The following TRPS1 variants were observed in gnomAD, a reference collection of about 807,000 sequenced individuals.
The protein encoded by TRPS1 is zinc finger transcription factor Trps1.
A neutral mutation model predicts 101.2 loss-of-function variants in TRPS1; 6 were observed. The ratio of observed to expected loss-of-function variants is 0.06; its 90% CI spans 0.03 to 0.12. The LOEUF is 0.12. Ranked by LOEUF, TRPS1 falls within the 10% of genes least tolerant of loss-of-function variation. TRPS1 has a pLI of 1.00. For synonymous variants in TRPS1, 578 were observed against 589.8 expected, an observed-to-expected ratio of 0.98 and a Z score of 0.29; for missense variants, 1,363 against 1,567.0, an observed-to-expected ratio of 0.87 and a Z score of 2.20.
At position 115,425,271 on chromosome 8, in the gene TRPS1, C is replaced by A. The variant is rs188106996; in HGVS notation, c.2701-6819G>T. Among the ~76,000 whole-genome samples the A allele has an allele frequency of 5.3e-5, 8 of 152,278 alleles. No individual in the cohort carries two copies. In the East Asian group the frequency reaches 1.5e-3, roughly 29 times the overall value. On this transcript the variant is annotated intron_variant, in intron 5 of 6. Transcript: ENST00000395715. ...TCTTTGCCTGCTTTAAAACAGTCCT[C>A]TTTGCCCTCAGATTTCTTGCCAAAA... is the stretch of plus-strand genomic sequence containing the variant.
At chr8:115,590,814 A>T (rs1237593739) in intron 4 of TRPS1, among the ~76,000 whole-genome samples, 1 of 152,214 alleles carries the variant, frequency 6.6e-6, no homozygotes, top group Admixed American at 6.5e-5. Context: ...AATAAATGAG[A>T]GTTAATCAGT....
At chr8:115,428,005 G>A (rs1813231155) in intron 5 of TRPS1, among the ~76,000 whole-genome samples, 1 of 152,202 alleles carries the variant, frequency 6.6e-6, no homozygotes, top group African/African-American at 2.4e-5. Flanking sequence ...GGTTAGCTGT[G>A]AATGAAAGTC....
chr8:115,628,722 A>G (rs910529914), intron 1 of TRPS1, among the ~76,000 whole-genome samples: 7 of 151,882 alleles, frequency 4.6e-5, no homozygotes, highest in Admixed American at 4.6e-4. Context: ...ACATTCTGCC[A>G]TGCTCACTGC....
chr8:115,442,018 A>C (rs572166460), intron 5 of TRPS1, among the ~76,000 whole-genome samples: 1 of 151,750 alleles, frequency 6.6e-6, no homozygotes, highest in Non-Finnish European at 1.5e-5. Flanking sequence ...ATAGTTTTTT[A>C]TTATTACAAA....
chr8:115,613,389 AG>A (rs1818212727), intron 3 of TRPS1, among the ~76,000 whole-genome samples: 1 of 152,220 alleles, frequency 6.6e-6, no homozygotes, highest in African/African-American at 2.4e-5. Flanking sequence ...AAATCACCCA[AG>A]TCCCCAAAAT....
At chr8:115,609,583 A>G (rs1818117119) in intron 3 of TRPS1, among the ~76,000 whole-genome samples, 2 of 152,164 alleles carry the variant, frequency 1.3e-5, no homozygotes, top group Non-Finnish European at 2.9e-5. Flanking sequence ...CTCACCACTG[A>G]CTTGACCTGG....
intron 3 of TRPS1, among the ~76,000 whole-genome samples, chr8:115,606,412 C>T (rs1563639696): frequency 6.6e-6 from 1 of 152,148 alleles, no homozygotes; most frequent in South Asian, 2.1e-4. Context: ...ATATAAACAA[C>T]TCAACATTTA....
At chr8:115,667,452 G>T (rs976668481) in intron 1 of TRPS1, among the ~76,000 whole-genome samples, 1 of 152,194 alleles carries the variant, frequency 6.6e-6, no homozygotes, top group African/African-American at 2.4e-5. Flanking sequence ...TCCCAAACAG[G>T]AACCAGACAG....
rs185240012 is a variant in TRPS1, at chr8:115,608,530, T to C, written c.967-3528A>G. Among the ~76,000 whole-genome samples the C allele has an allele frequency of 5.7e-3, 862 of 152,308 alleles. 4 individuals are homozygous for C. The highest frequency in any genetic ancestry group is 9.1e-3 in the Non-Finnish European group (621 of 68,028). The stretch of plus-strand genomic sequence containing the variant: ...ATTTATTTGCTTCTAGAGGAAGTTC[T>C]CTAGCTCAAGTTCTATGAAAAGATA... On this transcript the variant is annotated intron_variant, in intron 3 of 6. Coordinates refer to ENST00000395715, the MANE Select transcript of TRPS1 (RefSeq NM_014112.5).
At chr8:115,476,908 T>C (rs1655222931) in intron 5 of TRPS1, among the ~76,000 whole-genome samples, 1 of 152,200 alleles carries the variant, frequency 6.6e-6, no homozygotes, top group African/African-American at 2.4e-5. Flanking sequence ...TCATATATAA[T>C]TACTTATTCT....
chr8:115,444,363 C>A (rs1189257169), intron 5 of TRPS1, among the ~76,000 whole-genome samples: 1 of 152,156 alleles, frequency 6.6e-6, no homozygotes, highest in Non-Finnish European at 1.5e-5. Context: ...ATGGTACATA[C>A]AATAGAACAG....
At chr8:115,538,943 T>C (rs942163415) in intron 5 of TRPS1, among the ~76,000 whole-genome samples, 1 of 152,200 alleles carries the variant, frequency 6.6e-6, no homozygotes. Context: ...AAGTAAAGTA[T>C]TCTCTTACCT....
At chr8:115,634,621 T>C (rs942446002) in intron 1 of TRPS1, among the ~76,000 whole-genome samples, 1 of 152,178 alleles carries the variant, frequency 6.6e-6, no homozygotes, top group African/African-American at 2.4e-5. Context: ...CTGCTAAAGA[T>C]AACTTGTTTA....
intron 5 of TRPS1, among the ~76,000 whole-genome samples, chr8:115,439,273 CAGTT>C (rs974042444): frequency 5.6e-4 from 86 of 152,218 alleles, no homozygotes; most frequent in African/African-American, 1.8e-3. Flanking sequence ...AAAAGGATAA[CAGTT>C]AGAGCTTGTG....
At chr8:115,543,120 G>A (rs1043009971) in intron 5 of TRPS1, among the ~76,000 whole-genome samples, 2 of 152,140 alleles carry the variant, frequency 1.3e-5, no homozygotes, top group African/African-American at 2.4e-5. Flanking sequence ...AAAAAAGACT[G>A]AGAATATTTT....
At chr8:115,437,153 A>G (rs1354864066) in intron 5 of TRPS1, among the ~76,000 whole-genome samples, 1 of 152,208 alleles carries the variant, frequency 6.6e-6, no homozygotes, top group Non-Finnish European at 1.5e-5. Flanking sequence ...CTGTTTTGAC[A>G]AAATCAATCC....
intron 5 of TRPS1, among the ~76,000 whole-genome samples, chr8:115,438,982 T>A (rs1813523423): frequency 6.6e-6 from 1 of 152,196 alleles, no homozygotes; most frequent in Admixed American, 6.5e-5. Context: ...CATGCATTTT[T>A]CTATAAACCA....
chr8:115,439,613 G>T (rs1329605842), intron 5 of TRPS1, among the ~76,000 whole-genome samples: 1 of 152,022 alleles, frequency 6.6e-6, no homozygotes, highest in African/African-American at 2.4e-5. Context: ...TTTGTACCCT[G>T]TTTACATTAT....
At chr8:115,615,920 TA>T (rs1257131074) in intron 3 of TRPS1, among the ~76,000 whole-genome samples, 1 of 152,266 alleles carries the variant, frequency 6.6e-6, no homozygotes, top group African/African-American at 2.4e-5. Context: ...CTATGATTTT[TA>T]CAAATTTAAG....
Sources: allele counts gnomAD v4.1 joint callset (sites outside exome capture counted in the v4.1 genomes callset), GRCh38; gene constraint gnomAD v4.1.1; transcripts MANE v1.5; gene names NCBI Gene and HGNC (gene_info 2026-07-23, HGNC 2026-07-21).